Variants in SLC17A7 observed in about 807,000 individuals in gnomAD.
The protein encoded by SLC17A7 is vesicular glutamate transporter 1.
A neutral mutation model predicts 59.1 loss-of-function variants in SLC17A7; 15 were observed. The observed-to-expected ratio is 0.25, with a 90% CI of 0.17 to 0.39. SLC17A7 has a LOEUF of 0.39. SLC17A7 is among the 10% of genes least tolerant of loss of function. The pLI is 1.00. For missense variants in SLC17A7, 499 were observed against 765.1 expected (o/e 0.65, Z 4.10); for synonymous variants, 353 against 308.9 (o/e 1.14, Z -1.50).
chr19:49,432,744 G>A (rs1286820279), intron 8 of SLC17A7, 67 bp downstream of exon 8: 5 of 1,598,306 alleles, frequency 3.1e-6, no homozygotes, highest in African/African-American at 1.3e-5. Context: ...TCCCTGCCTC[G>A]GGATCGCCGC....
Position 49,433,633 on chromosome 19 carries a change from A to C in SLC17A7, c.867+93T>G. On this transcript the variant is annotated intron_variant, in intron 7 of 11. Coordinates refer to ENST00000221485, the MANE Select transcript of SLC17A7 (RefSeq NM_020309.4). The surrounding 1 kb of genome is among the most constrained non-coding windows in gnomAD (Gnocchi z 5.7). ...TTTGCGTTCCAGTCCCGTCTCCTCTAGAGTCTGCAGGAACCGTCCCTGATC... is the reference window on the plus strand; with the variant it reads ...TTTGCGTTCCAGTCCCGTCTCCTCTCGAGTCTGCAGGAACCGTCCCTGATC... 4.6e-6 allele frequency: 7 copies of C among 1,526,344 alleles called. No individual in the cohort carries two copies. Among genetic ancestry groups the C allele is most frequent in the Non-Finnish European group, 6.2e-6 (7 of 1,121,088 alleles). 94.6% of individuals were successfully genotyped at this position (1,526,344 alleles called of 1,614,324 possible). A position where few individuals can be genotyped will look rare whatever the true frequency, so the allele number is the denominator to read the frequency against.
At position 49,432,651 on chromosome 19, in the gene SLC17A7, C is replaced by A; in HGVS notation, c.1018G>T (p.Val340Leu). ...TGGGGCAGCGCGGACACCAGGCCTA[C>A]CTGCGGGAACAGGTGTACAGGGACA... ...EEVFGFEISK[V>L]GLVSALPHLV... Residue 340 changes from valine (V) to leucine (L), a missense_variant and splice_region_variant, in exon 9 of 12, where the codon GTA (valine) becomes TTA (leucine). Physicochemically the swap from Val to Leu is conservative, Grantham distance 32. Around this residue, in one of 3 missense-constraint regions of SLC17A7, gnomAD observed 323 missense variants for 607.2 expected, o/e 0.53. Coordinates refer to ENST00000221485, the MANE Select transcript of SLC17A7 (RefSeq NM_020309.4). 6.3e-7 allele frequency: 1 copy of A among 1,583,706 alleles called. No homozygotes were observed. The highest frequency in any genetic ancestry group is 8.5e-7 in the Non-Finnish European group (1 of 1,171,014).
At chr19:49,440,298 G>T (rs533721907) in intron 1 of SLC17A7, among the ~76,000 whole-genome samples, 25 of 152,272 alleles carry the variant, frequency 1.6e-4, no homozygotes, top group African/African-American at 6.0e-4. Flanking sequence ...AGGGCCTGAG[G>T]GCACGGCGGC....
intron 1 of SLC17A7, among the ~76,000 whole-genome samples, chr19:49,440,303 G>C (rs558603531): frequency 6.6e-6 from 1 of 152,184 alleles, no homozygotes; most frequent in Non-Finnish European, 1.5e-5. Flanking sequence ...CTGAGGGCAC[G>C]GCGGCAGGGG....
chr19:49,430,011 C>T lies in SLC17A7; in HGVS notation c.*508G>A, dbSNP rs536928501. ...TCAGAAACGCTGGTGAGAATCAATCCCTGGAATGGCGGGGACGAGTAATTG... is the reference window on the plus strand; with the variant it reads ...TCAGAAACGCTGGTGAGAATCAATCTCTGGAATGGCGGGGACGAGTAATTG... On this transcript the variant is annotated 3_prime_UTR_variant, in exon 12 of 12. Coordinates refer to ENST00000221485, the MANE Select transcript of SLC17A7 (RefSeq NM_020309.4). 6.0e-6 allele frequency: 1 copy of T among 166,010 alleles called. No individual in the cohort carries two copies. Among genetic ancestry groups the T allele is most frequent in the Non-Finnish European group, 1.3e-5 (1 of 77,298 alleles). The allele number at this position is 166,010 out of a possible 1,614,324, so 10.3% of individuals were successfully genotyped here. A position where few individuals can be genotyped will look rare whatever the true frequency, so the allele number is the denominator to read the frequency against.
At chr19:49,441,264 T>C in intron 1 of SLC17A7, 54 bp downstream of exon 1, 2 of 1,584,024 alleles carry the variant, frequency 1.3e-6, no homozygotes, top group Middle Eastern at 1.7e-4. Flanking sequence ...AGGTGGGAAT[T>C]AGCATCCTCC....
Position 49,441,341 on chromosome 19 carries a change from A to C in SLC17A7, c.39T>G (p.Gly13=). The C allele has an allele frequency of 6.2e-7, 1 of 1,608,546 alleles. No homozygotes were observed. Among genetic ancestry groups the C allele is most frequent in the Non-Finnish European group, 8.5e-7 (1 of 1,178,610 alleles). Residue 13 remains glycine, a synonymous_variant, in exon 1 of 12, where the codon GGT becomes GGG. Coordinates refer to ENST00000221485, the MANE Select transcript of SLC17A7 (RefSeq NM_020309.4). ...FRQEEFRKLA[G]RALGKLHRLL... is the part of the protein sequence containing the mutation. ...ACCGGTGCAGCTTCCCGAGAGCACGACCCGCTAGCTTCCGAAACTCCTCCT... is the reference window on the plus strand; with the variant it reads ...ACCGGTGCAGCTTCCCGAGAGCACGCCCCGCTAGCTTCCGAAACTCCTCCT...
In SLC17A7 at chr19:49,434,615, C is replaced by A; in HGVS notation, c.624G>T (p.Thr208=). The change falls in exon 5 of 12, where the codon ACG becomes ACT. Residue 208 remains threonine (T), a synonymous_variant. Coordinates refer to ENST00000221485, the MANE Select transcript of SLC17A7 (RefSeq NM_020309.4). ...TCTTCCTCTCACCACAAAAGGCTGT[C>A]GTCGCCAGGCGACTCCGTTCTAAGG... ...APPLERSRLA[T]TAFCGSYAGA... is the part of the protein sequence containing the mutation. 3 of 1,601,732 alleles carry A rather than the reference C, an allele frequency of 1.9e-6. No homozygotes were observed. Among genetic ancestry groups the A allele is most frequent in the Non-Finnish European group, 2.5e-6 (3 of 1,176,808 alleles).
At chr19:49,434,723 G>T (rs1401443345) in intron 4 of SLC17A7, 34 bp from the exon 5 acceptor site, 7 of 1,614,126 alleles carry the variant, frequency 4.3e-6, no homozygotes, top group South Asian at 2.2e-5. Context: ...ACTGAGAAGA[G>T]GCAGGGTCCG....
In SLC17A7 at chr19:49,432,664, G is replaced by A. The variant is rs761370168; in HGVS notation, c.1018-13C>T. 2.1e-6 allele frequency: 3 copies of A among 1,458,978 alleles called. No homozygotes were observed. The highest frequency in any genetic ancestry group is 2.7e-6 in the Non-Finnish European group (3 of 1,110,274). The allele number at this position is 1,458,978 out of a possible 1,614,324, so 90.4% of individuals were successfully genotyped here. On this transcript the variant is annotated splice_polypyrimidine_tract_variant and intron_variant, in intron 8 of 11. Coordinates refer to ENST00000221485, the MANE Select transcript of SLC17A7 (RefSeq NM_020309.4). ...ACACCAGGCCTACCTGCGGGAACAG[G>A]TGTACAGGGACACTAGGGTTCGGGG...
At position 49,432,806 on chromosome 19, in the gene SLC17A7, T is replaced by A; in HGVS notation, c.1017+5A>T. ...GCCCCCCTGCCCTCTCCTCCTGGGC[T>A]CTACCTTGCTGATCTCGAAGCCGAA... On this transcript the variant is annotated splice_donor_5th_base_variant and intron_variant, in intron 8 of 11. Coordinates refer to ENST00000221485, the MANE Select transcript of SLC17A7 (RefSeq NM_020309.4). 6.3e-6 allele frequency: 10 copies of A among 1,587,812 alleles called. No individual in the cohort carries two copies. Among genetic ancestry groups the A allele is most frequent in the Non-Finnish European group, 8.6e-6 (10 of 1,166,998 alleles).
In SLC17A7 at chr19:49,430,729, A is replaced by C. The variant is rs1274628469; in HGVS notation, c.1473T>G (p.Ser491=). Residue 491 remains serine (S), a synonymous_variant, in exon 12 of 12, where the codon TCT becomes TCG. Transcript: ENST00000221485. ...GGVIFYGVFA[S]GEKQPWAEPE... is the part of the protein sequence containing the mutation. ...GCTCTGCCCACGGCTGCTTCTCTCC[A>C]GAAGCAAAGACCCCGTAGAAGATGA... The C allele has an allele frequency of 6.2e-7, 1 of 1,614,104 alleles. No individual in the cohort carries two copies. The highest frequency in any genetic ancestry group is 2.2e-5 in the East Asian group (1 of 44,866).
intron 2 of SLC17A7, 124 bp from the exon 3 acceptor site, chr19:49,435,410 C>A: frequency 4.4e-6 from 3 of 685,896 alleles, no homozygotes; most frequent in South Asian, 3.5e-5. Flanking sequence ...CCTCCAAAAG[C>A]CTGCCAATCA....
At chr19:49,435,976 GA>G (rs1274639969) in intron 2 of SLC17A7, 9 of 155,718 alleles carry the variant, frequency 5.8e-5, no homozygotes, top group Non-Finnish European at 8.6e-5. Flanking sequence ...TGAGGCAGGA[GA>G]GTCACTTGAG....
In SLC17A7 at chr19:49,431,573, C is replaced by T. The variant is rs1340563316; in HGVS notation, c.1151-125G>A. The T allele has an allele frequency of 2.3e-5, 17 of 742,346 alleles. No homozygotes were observed. In the Admixed American group the frequency reaches 4.4e-4, roughly 19 times the overall value. 46.0% of individuals were successfully genotyped at this position (742,346 alleles called of 1,614,324 possible). On this transcript the variant is annotated intron_variant, in intron 9 of 11. Coordinates refer to ENST00000221485, the MANE Select transcript of SLC17A7 (RefSeq NM_020309.4). The surrounding 1 kb of genome is among the most constrained non-coding windows in gnomAD (Gnocchi z 4.6). ...CGTCTATCCACCCCAGTCTGGCCAC[C>T]TCCACGCCCAGGCCTCTTCGCGCCC...
chr19:49,438,572 G>A (rs2078988575), intron 1 of SLC17A7, among the ~76,000 whole-genome samples: 1 of 152,000 alleles, frequency 6.6e-6, no homozygotes, highest in Non-Finnish European at 1.5e-5. Context: ...AGGTGGGGAG[G>A]GGCAGTTAAG....
rs770122020 is a variant in SLC17A7 at position 49,431,489 on chromosome 19, C to T, written c.1151-41G>A. On this transcript the variant is annotated intron_variant, in intron 9 of 11. Coordinates refer to ENST00000221485, the MANE Select transcript of SLC17A7 (RefSeq NM_020309.4). This position sits in a 1 kb window ranked among gnomAD's most constrained non-coding sequence, Gnocchi z 4.6. ...GGGCCCGCGTCTCCTGAGTGTCGGC[C>T]GGAGCAAGGCGCAGGCTGCCCCACA... 2 of 1,548,538 alleles carry T rather than the reference C, an allele frequency of 1.3e-6. No individual in the cohort carries two copies. Among genetic ancestry groups the T allele is most frequent in the Non-Finnish European group, 1.8e-6 (2 of 1,125,402 alleles).
rs1290185460 is a variant in SLC17A7, at chr19:49,436,689, G to T, written c.175C>A (p.Leu59Ile). The change falls in exon 2 of 12, where the codon CTC becomes ATC. Residue 59 changes from leucine (L) to isoleucine (I), a missense_variant. Physicochemically the swap from Leu to Ile is conservative, Grantham distance 5. Around this residue, in one of 3 missense-constraint regions of SLC17A7, gnomAD observed 323 missense variants for 607.2 expected, o/e 0.53. Coordinates refer to ENST00000221485, the MANE Select transcript of SLC17A7 (RefSeq NM_020309.4). This position sits in a 1 kb window ranked among gnomAD's most constrained non-coding sequence, Gnocchi z 4.1. ...PPVVDCTCFGLPRRYIIAIMS... is the reference protein window; with the variant it reads ...PPVVDCTCFGIPRRYIIAIMS... ...ATGGCGATAATGTAGCGGCGAGGGA[G>T]GCCGAAGCAGGTGCAGTCCACCACC... 5.6e-6 allele frequency: 9 copies of T among 1,613,712 alleles called. No individual in the cohort carries two copies. The highest frequency in any genetic ancestry group is 1.3e-5 in the African/African-American group (1 of 74,902).
chr19:49,436,924 T>C lies in SLC17A7; in HGVS notation c.63-123A>G. 3 of 1,366,290 alleles carry C rather than the reference T, an allele frequency of 2.2e-6. 1 individual carries two copies. The South Asian group carries it at 4.3e-5, about 20-fold the overall frequency. The allele number at this position is 1,366,290 out of a possible 1,614,324, so 84.6% of individuals were successfully genotyped here. A position where few individuals can be genotyped will look rare whatever the true frequency, so the allele number is the denominator to read the frequency against. ...AGAATTCTAAGCCCGCACCTCCTCC[T>C]TCACCAAGAGTCCAGGTCCCTGGCT... is the stretch of plus-strand genomic sequence containing the variant. On this transcript the variant is annotated intron_variant, in intron 1 of 11. Transcript: ENST00000221485. The surrounding 1 kb of genome is among the most constrained non-coding windows in gnomAD (Gnocchi z 4.1).
Sources: allele counts gnomAD v4.1 joint callset (sites outside exome capture counted in the v4.1 genomes callset), GRCh38; gene constraint gnomAD v4.1.1; regional missense constraint gnomAD v4.1.1; non-coding constraint Gnocchi (gnomAD v3.1); transcripts MANE v1.5; gene names NCBI Gene and HGNC (gene_info 2026-07-23, HGNC 2026-07-21).